The following CNKSR2 variants were observed in gnomAD, a reference collection of about 807,000 sequenced individuals.
The protein encoded by CNKSR2 is CNK homolog protein 2.
A neutral mutation model predicts 84.4 loss-of-function variants in CNKSR2; 14 were observed. That is an observed-to-expected ratio of 0.17 (90% CI 0.11 to 0.26). The LOEUF (loss-of-function observed/expected upper bound fraction) is 0.26, where lower values mean the gene tolerates loss of function less well. CNKSR2 is among the 10% of genes least tolerant of loss of function. The pLI is 1.00. For synonymous variants in CNKSR2, 275 were observed against 277.9 expected, an observed-to-expected ratio of 0.99 and a Z score of 0.10; for missense variants, 485 against 771.2, an observed-to-expected ratio of 0.63 and a Z score of 4.40.
chrX:21,526,379 A>G (rs1336980490), intron 9 of CNKSR2, among the ~76,000 whole-genome samples: 4 of 111,268 alleles, frequency 3.6e-5, no homozygotes, highest in Non-Finnish European at 7.6e-5. Flanking sequence ...AGCATCTGTA[A>G]CATTTTACTA....
chrX:21,495,990 A>G (rs1204791617), intron 6 of CNKSR2, among the ~76,000 whole-genome samples: 1 of 109,347 alleles, frequency 9.1e-6, no homozygotes, highest in Non-Finnish European at 1.9e-5. Flanking sequence ...CCTAGGCTAG[A>G]TGATAGAGCC....
chrX:21,572,986 C>T (rs2147212324), intron 13 of CNKSR2, among the ~76,000 whole-genome samples: 1 of 112,065 alleles, frequency 8.9e-6, no homozygotes, highest in Non-Finnish European at 1.9e-5. Flanking sequence ...CCTGTAGAAT[C>T]AAAAGCAAGT....
chrX:21,379,830 T>C (rs941649628), intron 1 of CNKSR2, among the ~76,000 whole-genome samples: 3 of 111,563 alleles, frequency 2.7e-5, no homozygotes, highest in Non-Finnish European at 3.8e-5. Context: ...ATGAGCACCA[T>C]TGGAAAGAGA....
intron 4 of CNKSR2, among the ~76,000 whole-genome samples, chrX:21,464,178 A>G (rs1486859272): frequency 8.9e-6 from 1 of 111,973 alleles, no homozygotes; most frequent in Non-Finnish European, 1.9e-5. Flanking sequence ...GACTCGTTTA[A>G]ATGCTCCCTC....
intron 20 of CNKSR2, among the ~76,000 whole-genome samples, chrX:21,632,334 A>G (rs1487681726): frequency 1.8e-5 from 2 of 111,591 alleles, no homozygotes; most frequent in Non-Finnish European, 3.8e-5. Context: ...TGCCCACACA[A>G]CTAAGATGTG....
intron 2 of CNKSR2, chrX:21,427,608 C>T (rs1252188309): frequency 8.9e-6 from 1 of 112,082 alleles, no homozygotes; most frequent in Non-Finnish European, 1.9e-5. Flanking sequence ...TTCCGTTTAC[C>T]CTGCTAAGTC....
rs34829122 is a variant in CNKSR2, at chrX:21,599,339, GGTGTGTGT to G, written c.1977-1905_1977-1898del. ...AAATTTCAGTGTTTTTTTTTGTTTT[GGTGTGTGT>G]GTGTGTGTGTGTGTGTGTGTGTGTG... On this transcript the variant is annotated intron_variant, in intron 17 of 21. Coordinates refer to ENST00000379510, the MANE Select transcript of CNKSR2 (RefSeq NM_014927.5). 8.4e-3 allele frequency among the ~76,000 whole-genome samples: 697 copies of G among 82,657 alleles called. 4 individuals are homozygous for G. Among genetic ancestry groups the G allele is most frequent in the African/African-American group, 0.013 (279 of 21,492 alleles). The allele number at this position is 82,657 out of a possible 115,157, so 71.8% of individuals were successfully genotyped here. A position where few individuals can be genotyped will look rare whatever the true frequency, so the allele number is the denominator to read the frequency against.
intron 11 of CNKSR2, among the ~76,000 whole-genome samples, chrX:21,551,505 G>A (rs67678003): frequency 0.1 from 11,245 of 111,940 alleles, 508 homozygotes; most frequent in East Asian, 0.25. Context: ...TGAATTAATC[G>A]AAAAGATATG....
intron 4 of CNKSR2, among the ~76,000 whole-genome samples, chrX:21,468,213 T>C (rs1056700535): frequency 9.0e-6 from 1 of 110,892 alleles, no homozygotes; most frequent in Non-Finnish European, 1.9e-5. Context: ...AGTTGATTAA[T>C]ATTTGCTGAA....
chrX:21,380,650 G>T (rs1312262179), intron 1 of CNKSR2, among the ~76,000 whole-genome samples: 4 of 110,142 alleles, frequency 3.6e-5, no homozygotes, highest in Non-Finnish European at 1.9e-5. Context: ...ATTTCACCAT[G>T]TTGGCCAAGC....
intron 17 of CNKSR2, among the ~76,000 whole-genome samples, 174 bp from the exon 18 acceptor site, chrX:21,601,108 A>G (rs1806727894): frequency 8.9e-6 from 1 of 112,163 alleles, no homozygotes; most frequent in African/African-American, 3.2e-5. Flanking sequence ...AGCAATTTGT[A>G]CTATAGCAAA....
intron 1 of CNKSR2, among the ~76,000 whole-genome samples, chrX:21,419,820 A>G (rs1212119798): frequency 8.9e-6 from 1 of 112,568 alleles, no homozygotes; most frequent in Non-Finnish European, 1.9e-5. Flanking sequence ...GGCCACCACC[A>G]CCATGACTGT....
chrX:21,645,019 A>G (rs776897449), intron 20 of CNKSR2: 3 of 111,852 alleles, frequency 2.7e-5, no homozygotes, highest in East Asian at 5.6e-4. Flanking sequence ...ACAAACTGGT[A>G]TTTTTCATTA....
chrX:21,459,018 C>CTTTTTTT (rs35121561), intron 4 of CNKSR2, among the ~76,000 whole-genome samples: 2 of 88,530 alleles, frequency 2.3e-5, no homozygotes, highest in African/African-American at 8.6e-5. Flanking sequence ...ATTCTTCATC[C>CTTTTTTT]TTTTTTTTTT....
rs72620278 is a variant in CNKSR2 at position 21,629,677 on chromosome X, C to T, written c.2693-19154C>T. On this transcript the variant is annotated intron_variant, in intron 20 of 21. Coordinates refer to ENST00000379510, the MANE Select transcript of CNKSR2 (RefSeq NM_014927.5). ...ACCCCCATGATTCAATTATCTCCCA[C>T]GGGGTCCCTCCCACAACTCGTGGGA... 5.9e-3 allele frequency among the ~76,000 whole-genome samples: 662 copies of T among 111,618 alleles called. 4 individuals are homozygous for T. The highest frequency in any genetic ancestry group is 0.043 in the East Asian group (152 of 3,521).
intron 13 of CNKSR2, among the ~76,000 whole-genome samples, chrX:21,564,447 A>G (rs745855556): frequency 9.0e-6 from 1 of 111,574 alleles, no homozygotes; most frequent in Non-Finnish European, 1.9e-5. Flanking sequence ...AGAACATTTA[A>G]TCCACAAAAT....
chrX:21,625,322 A>C (rs777407348), intron 20 of CNKSR2, among the ~76,000 whole-genome samples: 1 of 112,044 alleles, frequency 8.9e-6, no homozygotes, highest in East Asian at 2.8e-4. Context: ...TGCCTGATCC[A>C]TGTGGTACAG....
At chrX:21,393,258 T>C (rs1175751036) in intron 1 of CNKSR2, among the ~76,000 whole-genome samples, 2 of 112,406 alleles carry the variant, frequency 1.8e-5, no homozygotes, top group African/African-American at 6.5e-5. Context: ...TGCATTAATG[T>C]GCTCTCTGTG....
chrX:21,435,117 T>C (rs1446907694), intron 3 of CNKSR2, among the ~76,000 whole-genome samples: 1 of 109,811 alleles, frequency 9.1e-6, no homozygotes, highest in Non-Finnish European at 1.9e-5. Context: ...ATTTACATTT[T>C]GCTATTTCTC....
Sources: allele counts gnomAD v4.1 joint callset (sites outside exome capture counted in the v4.1 genomes callset), GRCh38; gene constraint gnomAD v4.1.1; transcripts MANE v1.5; gene names NCBI Gene and HGNC (gene_info 2026-07-23, HGNC 2026-07-21).